The following XPR1 variants were observed in gnomAD, a reference collection of about 807,000 sequenced individuals.
XPR1 encodes xenotropic and polytropic retrovirus receptor 1.
XPR1 carries 28 observed loss-of-function variants against 87.5 expected under a neutral mutation model. That is an observed-to-expected ratio of 0.32 (90% CI 0.24 to 0.44). The LOEUF is 0.44. Ranked by LOEUF, XPR1 falls within the 20% of genes least tolerant of loss-of-function variation. The probability of loss-of-function intolerance (pLI) is 1.00; values close to 1 mark genes in which losing one functional copy is unlikely to be tolerated. For synonymous variants in XPR1, 300 were observed against 306.1 expected (o/e 0.98, Z 0.21); for missense variants, 559 against 862.3 (o/e 0.65, Z 4.41).
chr1:180,809,059 A>G (rs1193539283), intron 6 of XPR1, among the ~76,000 whole-genome samples: 1 of 152,226 alleles, frequency 6.6e-6, no homozygotes, highest in Non-Finnish European at 1.5e-5. Flanking sequence ...TATCCATACA[A>G]TGAAACACTA....
At chr1:180,668,505 G>C (rs1427233864) in intron 1 of XPR1, among the ~76,000 whole-genome samples, 2 of 152,164 alleles carry the variant, frequency 1.3e-5, no homozygotes, top group African/African-American at 4.8e-5. Context: ...TGTTAGGTTT[G>C]AAATCCATTT....
intron 2 of XPR1, among the ~76,000 whole-genome samples, chr1:180,710,523 G>A (rs1330604047): frequency 6.6e-6 from 1 of 152,184 alleles, no homozygotes; most frequent in Non-Finnish European, 1.5e-5. Flanking sequence ...TGGGGGTAAG[G>A]TCACAGATCA....
At chr1:180,646,623 C>A (rs1386214517) in intron 1 of XPR1, among the ~76,000 whole-genome samples, 1 of 151,924 alleles carries the variant, frequency 6.6e-6, no homozygotes, top group Admixed American at 6.6e-5. Flanking sequence ...GTCTTAGAAC[C>A]CTCTGCTGTC....
intron 2 of XPR1, among the ~76,000 whole-genome samples, chr1:180,775,313 A>G (rs1648671028): frequency 6.6e-6 from 1 of 152,080 alleles, no homozygotes; most frequent in Non-Finnish European, 1.5e-5. Flanking sequence ...GCCGAGCACC[A>G]TGGCTCCCAC....
chr1:180,853,378 C>T (rs1455715330), intron 11 of XPR1, among the ~76,000 whole-genome samples: 5 of 151,956 alleles, frequency 3.3e-5, no homozygotes, highest in Admixed American at 6.6e-5. Flanking sequence ...GTATTTTTGG[C>T]TTCTAATATT....
At chr1:180,696,289 A>T (rs1309321207) in intron 2 of XPR1, among the ~76,000 whole-genome samples, 1 of 148,832 alleles carries the variant, frequency 6.7e-6, no homozygotes, top group Non-Finnish European at 1.5e-5. Flanking sequence ...GGTGTATAGA[A>T]ACCCTACTGA....
At chr1:180,748,870 A>G (rs1238570843) in intron 2 of XPR1, among the ~76,000 whole-genome samples, 1 of 152,214 alleles carries the variant, frequency 6.6e-6, no homozygotes, top group Non-Finnish European at 1.5e-5. Context: ...TATGCAAATC[A>G]CAGTTTGATT....
intron 2 of XPR1, among the ~76,000 whole-genome samples, chr1:180,781,640 C>T (rs1272620533): frequency 6.7e-6 from 1 of 150,232 alleles, no homozygotes; most frequent in Non-Finnish European, 1.5e-5. Flanking sequence ...CCCTTCACTC[C>T]AATTTTCTCA....
At chr1:180,741,519 T>G (rs923344446) in intron 2 of XPR1, among the ~76,000 whole-genome samples, 3 of 151,994 alleles carry the variant, frequency 2.0e-5, no homozygotes, top group African/African-American at 7.3e-5. Context: ...AGAGTCTCAC[T>G]CTATCACCCC....
At chr1:180,791,992 C>G (rs557081968) in intron 3 of XPR1, among the ~76,000 whole-genome samples, 10 of 152,182 alleles carry the variant, frequency 6.6e-5, no homozygotes, top group Non-Finnish European at 1.5e-4. Flanking sequence ...CTCACTGGTA[C>G]AAATTGGTAG....
intron 2 of XPR1, among the ~76,000 whole-genome samples, chr1:180,780,071 C>A (rs945530281): frequency 2.0e-5 from 3 of 152,080 alleles, no homozygotes; most frequent in Admixed American, 2.0e-4. Context: ...ATCCATTTAT[C>A]CATTGGGTTG....
intron 4 of XPR1, among the ~76,000 whole-genome samples, chr1:180,804,813 T>G (rs1274335958): frequency 2.0e-5 from 3 of 152,144 alleles, no homozygotes; most frequent in Non-Finnish European, 2.9e-5. Context: ...AGTGATAAAT[T>G]CCTTTGCTTT....
chr1:180,682,318 T>C (rs889900209), intron 1 of XPR1, 42 bp from the exon 2 acceptor site: 3 of 1,511,254 alleles, frequency 2.0e-6, no homozygotes, highest in Non-Finnish European at 2.7e-6. Flanking sequence ...AGTATAAAGC[T>C]TACTCATGAT....
rs1025774359 is a variant in XPR1, at chr1:180,884,197, G to A, written c.*131G>A. The stretch of plus-strand genomic sequence containing the variant: ...ATAACACATTTTCCGAGCTCTTCCG[G>A]ATCGGATCCTATGGACTCCAAACAA... On this transcript the variant is annotated 3_prime_UTR_variant, in exon 15 of 15. Transcript: ENST00000367590. 4.5e-6 allele frequency: 3 copies of A among 662,386 alleles called. No individual in the cohort carries two copies. Among genetic ancestry groups the A allele is most frequent in the Non-Finnish European group, 7.5e-6 (3 of 400,952 alleles). 41.0% of individuals were successfully genotyped at this position (662,386 alleles called of 1,614,324 possible). A position where few individuals can be genotyped will look rare whatever the true frequency, so the allele number is the denominator to read the frequency against.
At chr1:180,705,636 A>G (rs532166405) in intron 2 of XPR1, among the ~76,000 whole-genome samples, 1 of 152,248 alleles carries the variant, frequency 6.6e-6, no homozygotes, top group African/African-American at 2.4e-5. Context: ...AAGATTTATT[A>G]TTTTCACGTT....
At chr1:180,769,017 T>C (rs553521050) in intron 2 of XPR1, among the ~76,000 whole-genome samples, 10 of 152,324 alleles carry the variant, frequency 6.6e-5, no homozygotes, top group African/African-American at 2.2e-4. Context: ...CATGAACTTA[T>C]TTGTGGAAGA....
At chr1:180,843,998 G>A (rs753085079) in intron 11 of XPR1, among the ~76,000 whole-genome samples, 1 of 152,010 alleles carries the variant, frequency 6.6e-6, no homozygotes, top group Non-Finnish European at 1.5e-5. Context: ...GGATCACCAG[G>A]TCAGGAGTTC....
At chr1:180,676,911 T>G (rs1053079803) in intron 1 of XPR1, among the ~76,000 whole-genome samples, 4 of 152,210 alleles carry the variant, frequency 2.6e-5, no homozygotes, top group African/African-American at 9.6e-5. Flanking sequence ...CCCATAAGGT[T>G]AATCTGTGGT....
intron 11 of XPR1, among the ~76,000 whole-genome samples, chr1:180,857,726 C>G (rs761984171): frequency 4.6e-5 from 7 of 152,030 alleles, no homozygotes; most frequent in Non-Finnish European, 1.0e-4. Context: ...TATTCTCATT[C>G]CCTAGAATGT....
Sources: allele counts gnomAD v4.1 joint callset (sites outside exome capture counted in the v4.1 genomes callset), GRCh38; gene constraint gnomAD v4.1.1; transcripts MANE v1.5; gene names NCBI Gene and HGNC (gene_info 2026-07-23, HGNC 2026-07-21).